The following MBD5 variants were observed in gnomAD, a reference collection of about 807,000 sequenced individuals.
The protein encoded by MBD5 is methyl-CpG-binding domain protein 5.
Under a neutral mutation model 117.3 loss-of-function variants are expected in MBD5, and 13 were observed. The ratio of observed to expected loss-of-function variants is 0.11; its 90% CI spans 0.07 to 0.18. The LOEUF (loss-of-function observed/expected upper bound fraction) is 0.18, where lower values mean the gene tolerates loss of function less well. Ranked by LOEUF, MBD5 falls within the 10% of genes least tolerant of loss-of-function variation. The pLI is 1.00. For missense variants in MBD5, 1,879 were observed against 2,093.8 expected (o/e 0.90, Z 2.00); for synonymous variants, 727 against 766.4 (o/e 0.95, Z 0.85).
intron 4 of MBD5, among the ~76,000 whole-genome samples, chr2:148,454,522 C>A (rs899831413): frequency 1.2e-4 from 18 of 151,866 alleles, no homozygotes; most frequent in African/African-American, 4.1e-4. Flanking sequence ...TTTCAAAATA[C>A]ATATAACAGT....
At chr2:148,076,919 A>T (rs1234403) in intron 1 of MBD5, among the ~76,000 whole-genome samples, 7 of 152,326 alleles carry the variant, frequency 4.6e-5, no homozygotes, top group Non-Finnish European at 8.8e-5. Flanking sequence ...TATTGCCTAC[A>T]GGCCACATCT....
chr2:148,130,556 TAA>T (rs11402326), intron 1 of MBD5, among the ~76,000 whole-genome samples: 47 of 149,112 alleles, frequency 3.2e-4, no homozygotes, highest in East Asian at 5.9e-4. Flanking sequence ...TGTGTGATAT[TAA>T]AAAAAAAAAA....
At chr2:148,284,274 T>C (rs893387614) in intron 3 of MBD5, among the ~76,000 whole-genome samples, 5 of 152,238 alleles carry the variant, frequency 3.3e-5, no homozygotes, top group Admixed American at 2.6e-4. Flanking sequence ...AATCTTTTGC[T>C]GATGTAAAAC....
chr2:148,288,501 C>T (rs1316857418), intron 3 of MBD5, among the ~76,000 whole-genome samples: 1 of 150,706 alleles, frequency 6.6e-6, no homozygotes, highest in Non-Finnish European at 1.5e-5. Context: ...ATTTATTTAG[C>T]ATGAATCATA....
At chr2:148,342,526 A>AT (rs1559031498) in intron 4 of MBD5, among the ~76,000 whole-genome samples, 190 bp downstream of exon 4, 1 of 151,936 alleles carries the variant, frequency 6.6e-6, no homozygotes. Flanking sequence ...CATGTTTACT[A>AT]TTTTTTAAAA....
intron 4 of MBD5, among the ~76,000 whole-genome samples, chr2:148,446,109 T>C (rs1312194495): frequency 1.4e-5 from 2 of 147,586 alleles, no homozygotes; most frequent in Non-Finnish European, 2.9e-5. Flanking sequence ...GGTAGTTTCT[T>C]TTGCTGTGCA....
At chr2:148,024,367 A>G (rs983415217) in intron 1 of MBD5, among the ~76,000 whole-genome samples, 8 of 152,202 alleles carry the variant, frequency 5.3e-5, no homozygotes, top group Non-Finnish European at 1.0e-4. Flanking sequence ...GCCCATACTT[A>G]TAAGAATAAA....
chr2:148,357,879 G>A (rs922721344), intron 4 of MBD5, among the ~76,000 whole-genome samples: 1 of 151,930 alleles, frequency 6.6e-6, no homozygotes, highest in Admixed American at 6.6e-5. Context: ...CAAATATTCA[G>A]TAAATCTCCC....
chr2:148,479,089 A>C (rs1368627712), intron 8 of MBD5, among the ~76,000 whole-genome samples: 2 of 152,132 alleles, frequency 1.3e-5, no homozygotes, highest in Admixed American at 6.5e-5. Flanking sequence ...CAATTTCCAA[A>C]TTTTCCTCCA....
At chr2:148,262,058 G>A (rs559221819) in intron 3 of MBD5, among the ~76,000 whole-genome samples, 80 of 152,044 alleles carry the variant, frequency 5.3e-4, no homozygotes, top group Non-Finnish European at 1.0e-3. Flanking sequence ...CACTGATCAC[G>A]GATCACTATA....
chr2:148,405,909 A>G (rs893957422), intron 4 of MBD5, among the ~76,000 whole-genome samples: 5 of 152,204 alleles, frequency 3.3e-5, no homozygotes, highest in Admixed American at 6.5e-5. Flanking sequence ...GCTTGAGCCC[A>G]GGAGTTCGAG....
chr2:148,422,251 T>C (rs1365730619), intron 4 of MBD5, among the ~76,000 whole-genome samples: 1 of 152,140 alleles, frequency 6.6e-6, no homozygotes, highest in Non-Finnish European at 1.5e-5. Flanking sequence ...GCAGCAATCT[T>C]TGCTGTTCTG....
chr2:148,362,209 C>G lies in MBD5; in HGVS notation c.-557+19873C>G, dbSNP rs114959965. ...TCTAGCTCAGCGGATCCCAGCCCCA[C>G]AGAGCGCAGCAAGCTAAGATCCACT... On this transcript the variant is annotated intron_variant, in intron 4 of 13. Transcript: ENST00000642680. 8.1e-3 allele frequency among the ~76,000 whole-genome samples: 1,236 copies of G among 152,288 alleles called. 15 individuals carry two copies. The highest frequency in any genetic ancestry group is 0.029 in the African/African-American group (1,186 of 41,538).
At chr2:148,102,726 A>G (rs1197487817) in intron 1 of MBD5, among the ~76,000 whole-genome samples, 1 of 79,480 alleles carries the variant, frequency 1.3e-5, no homozygotes, top group African/African-American at 4.2e-5. Flanking sequence ...ACACACACAC[A>G]CACAGAGAGA....
intron 1 of MBD5, among the ~76,000 whole-genome samples, chr2:148,155,345 G>T (rs1233085651): frequency 3.3e-5 from 5 of 152,178 alleles, no homozygotes; most frequent in Admixed American, 3.3e-4. Context: ...CTGGCATTTT[G>T]GGAAAATGAT....
intron 5 of MBD5, among the ~76,000 whole-genome samples, chr2:148,461,549 A>G (rs1473765211): frequency 1.3e-5 from 2 of 152,228 alleles, no homozygotes; most frequent in African/African-American, 4.8e-5. Context: ...TGTATATGAA[A>G]TGGAGATTAT....
intron 1 of MBD5, among the ~76,000 whole-genome samples, chr2:148,057,063 T>G (rs1394728301): frequency 6.6e-6 from 1 of 151,844 alleles, no homozygotes; most frequent in Admixed American, 6.6e-5. Context: ...GTTGTTTCAT[T>G]TTAAATATTT....
intron 3 of MBD5, among the ~76,000 whole-genome samples, chr2:148,291,945 G>A (rs1255094493): frequency 1.3e-5 from 2 of 152,150 alleles, no homozygotes; most frequent in African/African-American, 4.8e-5. Flanking sequence ...TGACAAAAGT[G>A]CCAGAAGCAT....
At chr2:148,323,790 G>C (rs1162750469) in intron 3 of MBD5, among the ~76,000 whole-genome samples, 1 of 152,104 alleles carries the variant, frequency 6.6e-6, no homozygotes, top group Non-Finnish European at 1.5e-5. Context: ...CATTTTGTAG[G>C]TTGCCTGTTC....
Sources: gnomAD v4.1 joint callset for allele counts (sites outside exome capture counted in the v4.1 genomes callset) on GRCh38, gnomAD v4.1.1 for gene constraint, MANE v1.5 for transcripts, NCBI Gene and HGNC (gene_info 2026-07-23, HGNC 2026-07-21) for gene names.